MAP2K4: variants seen among roughly 807,000 people sequenced by gnomAD.
MAP2K4 encodes the protein dual specificity mitogen-activated protein kinase kinase 4.
A neutral mutation model predicts 48.5 loss-of-function variants in MAP2K4; 4 were observed. The observed-to-expected ratio is 0.08, with a 90% CI of 0.04 to 0.19. The LOEUF (loss-of-function observed/expected upper bound fraction) is 0.19. Ranked by LOEUF, MAP2K4 falls within the 10% of genes least tolerant of loss-of-function variation. The probability of loss-of-function intolerance (pLI) is 1.00; values close to 1 mark genes in which losing one functional copy is unlikely to be tolerated. For missense variants in MAP2K4, 258 were observed against 493.3 expected, an observed-to-expected ratio of 0.52 and a Z score of 4.52; for synonymous variants, 166 against 173.1, an observed-to-expected ratio of 0.96 and a Z score of 0.32.
At chr17:12,036,975 T>C (rs1567626704) in intron 1 of MAP2K4, among the ~76,000 whole-genome samples, 1 of 152,216 alleles carries the variant, frequency 6.6e-6, no homozygotes, top group East Asian at 1.9e-4. Context: ...TTTTGGGTAG[T>C]GTTAAGTTTC....
At chr17:12,115,795 C>A in intron 7 of MAP2K4, 1 of 735,078 alleles carries the variant, frequency 1.4e-6, no homozygotes, top group Non-Finnish European at 2.5e-6. Context: ...CAAGTTCCTG[C>A]TTCTGGGACA....
intron 3 of MAP2K4, among the ~76,000 whole-genome samples, chr17:12,093,422 C>G (rs1160182162): frequency 6.6e-6 from 1 of 152,118 alleles, no homozygotes; most frequent in Admixed American, 6.5e-5. Context: ...CTTTCTGTAG[C>G]TACGGTAGGG....
At chr17:12,052,296 C>G (rs3926372) in intron 1 of MAP2K4, among the ~76,000 whole-genome samples, 136,084 of 152,178 alleles carry the variant, frequency 0.89, 62,806 homozygotes, top group East Asian at 1. Flanking sequence ...GAAGTGTAGA[C>G]TGTGTTTAAA....
chr17:12,091,688 A>G (rs1044524765), intron 3 of MAP2K4, among the ~76,000 whole-genome samples: 2 of 151,978 alleles, frequency 1.3e-5, no homozygotes, highest in Non-Finnish European at 2.9e-5. Flanking sequence ...GGCATTTCTG[A>G]CCTGTATCTA....
At chr17:12,048,641 CTTTATTTATTTTTATTTA>C (rs1970039219) in intron 1 of MAP2K4, among the ~76,000 whole-genome samples, 1 of 151,890 alleles carries the variant, frequency 6.6e-6, no homozygotes, top group Admixed American at 6.6e-5. Flanking sequence ...ATCTCTTTTT[CTTTATTTATTTTTATTTA>C]TTTATTTATT....
chr17:12,097,267 A>G (rs9894621), intron 4 of MAP2K4, among the ~76,000 whole-genome samples: 74,439 of 152,066 alleles, frequency 0.49, 18,704 homozygotes, highest in East Asian at 0.61. Flanking sequence ...TCTGTGGTCA[A>G]CTTTTTCAGT....
intron 3 of MAP2K4, among the ~76,000 whole-genome samples, chr17:12,094,506 A>G (rs573211074): frequency 6.6e-6 from 1 of 152,286 alleles, no homozygotes; most frequent in Admixed American, 6.5e-5. Context: ...CACCTTGTGT[A>G]TTTTTTGATA....
intron 9 of MAP2K4, among the ~76,000 whole-genome samples, chr17:12,137,680 A>G (rs1365996854): frequency 1.3e-5 from 2 of 152,214 alleles, no homozygotes; most frequent in Admixed American, 1.3e-4. Flanking sequence ...AAAGTGGAGA[A>G]GCAATGTTTA....
At position 12,128,279 on chromosome 17, in the gene MAP2K4, G is replaced by A. The variant is rs142739845; in HGVS notation, c.892-860G>A. Among the ~76,000 whole-genome samples the A allele has an allele frequency of 8.4e-3, 1,275 of 152,162 alleles. 8 individuals carry two copies. Among genetic ancestry groups the A allele is most frequent in the Non-Finnish European group, 0.011 (731 of 67,980 alleles). ...TTTTTAGTAGAGATGGGGTTTCACC[G>A]TGTTAGACAGGATGGTGTCCATCTC... On this transcript the variant is annotated intron_variant, in intron 8 of 10. Coordinates refer to ENST00000353533, the MANE Select transcript of MAP2K4 (RefSeq NM_003010.4).
intron 2 of MAP2K4, among the ~76,000 whole-genome samples, chr17:12,065,984 G>C (rs544197301): frequency 8.3e-4 from 127 of 152,194 alleles, no homozygotes; most frequent in African/African-American, 3.0e-3. Flanking sequence ...TTTTTAAGAA[G>C]GTTATCAAGT....
intron 4 of MAP2K4, among the ~76,000 whole-genome samples, chr17:12,098,461 G>T (rs1237817537): frequency 6.8e-6 from 1 of 146,574 alleles, no homozygotes; most frequent in Non-Finnish European, 1.5e-5. Flanking sequence ...CTGGGCAACA[G>T]AGCGAGACTC....
At chr17:12,077,100 G>A (rs1165114141) in intron 2 of MAP2K4, among the ~76,000 whole-genome samples, 1 of 152,146 alleles carries the variant, frequency 6.6e-6, no homozygotes, top group Non-Finnish European at 1.5e-5. Flanking sequence ...AACATCTTAG[G>A]TGCTCTGCAT....
chr17:12,090,233 AGGAAAACTGGGTTATTTG>A (rs1482702009), intron 3 of MAP2K4, among the ~76,000 whole-genome samples: 1 of 152,208 alleles, frequency 6.6e-6, no homozygotes, highest in East Asian at 1.9e-4. Context: ...CTTGGTAGGA[AGGAAAACTGGGTTATTTG>A]GGAGAATCAG....
chr17:12,055,071 G>T, intron 2 of MAP2K4, 80 bp downstream of exon 2: 1 of 806,244 alleles, frequency 1.2e-6, no homozygotes, highest in South Asian at 1.8e-5. Context: ...TTCCAATTAT[G>T]AGATGTCAGT....
chr17:12,034,917 G>A (rs569510178), intron 1 of MAP2K4, among the ~76,000 whole-genome samples: 9 of 152,334 alleles, frequency 5.9e-5, no homozygotes, highest in African/African-American at 2.2e-4. Context: ...AGATGTGTCT[G>A]TGCTGGCTCA....
intron 1 of MAP2K4, among the ~76,000 whole-genome samples, chr17:12,037,672 T>G (rs188303942): frequency 9.0e-4 from 137 of 152,260 alleles, no homozygotes; most frequent in Non-Finnish European, 1.6e-3. Flanking sequence ...ATGAGACTTG[T>G]AGGATTAGCC....
chr17:12,112,539 G>C (rs1281187719), intron 6 of MAP2K4, among the ~76,000 whole-genome samples: 3 of 151,158 alleles, frequency 2.0e-5, no homozygotes, highest in Non-Finnish European at 4.4e-5. Context: ...TTCGGTCATG[G>C]TAAGAGATCT....
At chr17:12,066,161 A>G (rs1970611884) in intron 2 of MAP2K4, among the ~76,000 whole-genome samples, 1 of 151,458 alleles carries the variant, frequency 6.6e-6, no homozygotes, top group Non-Finnish European at 1.5e-5. Context: ...ATACAGAGAA[A>G]GTATAAAGAA....
At chr17:12,133,280 C>G (rs1341223464) in intron 9 of MAP2K4, among the ~76,000 whole-genome samples, 1 of 152,156 alleles carries the variant, frequency 6.6e-6, no homozygotes, top group Non-Finnish European at 1.5e-5. Flanking sequence ...TGGGGTTTCA[C>G]CACACTGGCC....
Sources: allele counts gnomAD v4.1 joint callset (sites outside exome capture counted in the v4.1 genomes callset), GRCh38; gene constraint gnomAD v4.1.1; transcripts MANE v1.5; gene names NCBI Gene and HGNC (gene_info 2026-07-23, HGNC 2026-07-21).